PRKN: variants seen among roughly 807,000 people sequenced by gnomAD.
PRKN encodes the protein E3 ubiquitin-protein ligase parkin.
PRKN carries 56 observed loss-of-function variants against 59.5 expected under a neutral mutation model. The ratio of observed to expected loss-of-function variants is 0.94; its 90% CI spans 0.76 to 1.18. PRKN has a LOEUF of 1.18. Among genes scored for constraint, PRKN ranks in the 50% most tolerant of loss-of-function variants. PRKN has a pLI of 0.00. For synonymous variants in PRKN, 250 were observed against 222.1 expected (o/e 1.13, Z -1.12); for missense variants, 657 against 596.4 (o/e 1.10, Z -1.06).
intron 5 of PRKN, among the ~76,000 whole-genome samples, chr6:162,017,683 G>T (rs1782979583): frequency 6.6e-6 from 1 of 152,068 alleles, no homozygotes. Flanking sequence ...AATTAATTCA[G>T]ATATTTTCTC....
intron 5 of PRKN, among the ~76,000 whole-genome samples, chr6:161,988,476 A>G (rs1371796926): frequency 6.6e-6 from 1 of 152,016 alleles, no homozygotes; most frequent in Admixed American, 6.5e-5. Context: ...ACACGGCGAG[A>G]CTCCGTCTCA....
At chr6:162,033,706 C>A (rs974969340) in intron 5 of PRKN, among the ~76,000 whole-genome samples, 5 of 152,020 alleles carry the variant, frequency 3.3e-5, no homozygotes, top group African/African-American at 1.2e-4. Flanking sequence ...TCTTAGAAAT[C>A]GTTTTTTATC....
intron 7 of PRKN, among the ~76,000 whole-genome samples, chr6:161,729,681 C>A (rs1203312068): frequency 2.6e-5 from 4 of 152,168 alleles, no homozygotes; most frequent in African/African-American, 9.6e-5. Context: ...CTAAAATTGG[C>A]AAATTAAAAA....
intron 3 of PRKN, among the ~76,000 whole-genome samples, chr6:162,231,278 T>C (rs1778410145): frequency 6.6e-6 from 1 of 152,192 alleles, no homozygotes; most frequent in South Asian, 2.1e-4. Context: ...TCAATGTTTA[T>C]AAAGAAAATT....
Position 162,439,973 on chromosome 6 carries a change from A to G in PRKN, c.171+3337T>C, listed in dbSNP as rs545940470. On this transcript the variant is annotated intron_variant, in intron 2 of 11. Coordinates refer to ENST00000366898, the MANE Select transcript of PRKN (RefSeq NM_004562.3). Reference sequence around the variant, plus strand: ...TGTCTACATAGCGGTTGGCACCCCTAACTCCATGACTCCACGAGTCAACTG... The same window carrying G: ...TGTCTACATAGCGGTTGGCACCCCTGACTCCATGACTCCACGAGTCAACTG... 5.3e-5 allele frequency among the ~76,000 whole-genome samples: 8 copies of G among 152,196 alleles called. No individual in the cohort carries two copies. In the South Asian group the frequency reaches 1.7e-3, roughly 32 times the overall value.
chr6:162,228,912 C>T (rs1257540082), intron 3 of PRKN, among the ~76,000 whole-genome samples: 2 of 152,140 alleles, frequency 1.3e-5, no homozygotes, highest in Admixed American at 1.3e-4. Context: ...CACAAGCTTC[C>T]ACATGCACCA....
chr6:161,838,238 G>A (rs190002675), intron 6 of PRKN, among the ~76,000 whole-genome samples: 4 of 152,288 alleles, frequency 2.6e-5, no homozygotes, highest in African/African-American at 9.6e-5. Flanking sequence ...TAAATAACTT[G>A]TAGAAACTCA....
In PRKN at chr6:161,480,753, G is replaced by A. The variant is rs1791351634; in HGVS notation, c.1083+68101C>T. 6.6e-6 allele frequency among the ~76,000 whole-genome samples: 1 copy of A among 152,184 alleles called. No homozygotes were observed. The highest frequency in any genetic ancestry group is 2.1e-4 in the South Asian group (1 of 4,836). On this transcript the variant is annotated intron_variant, in intron 9 of 11. Coordinates refer to ENST00000366898, the MANE Select transcript of PRKN (RefSeq NM_004562.3). The surrounding 1 kb of genome is among the most constrained non-coding windows in gnomAD (Gnocchi z 4.1). ...TTTCTCTTGCCAGAAAGTATAATTAGTAATTTCAGGCCTTATCTGAAATAC... is the reference window on the plus strand; with the variant it reads ...TTTCTCTTGCCAGAAAGTATAATTAATAATTTCAGGCCTTATCTGAAATAC...
Position 162,386,041 on chromosome 6 carries a change from A to T in PRKN, c.171+57269T>A, listed in dbSNP as rs190178625. ...CGCCAATTGTATTTTGATTTTTTTT[A>T]AAAAAAGAGGTGCCTATGCAGATGC... On this transcript the variant is annotated intron_variant, in intron 2 of 11. Coordinates refer to ENST00000366898, the MANE Select transcript of PRKN (RefSeq NM_004562.3). Among the ~76,000 whole-genome samples, 1,148 of 152,112 alleles carry T rather than the reference A, an allele frequency of 7.5e-3. 10 individuals carry two copies. The highest frequency in any genetic ancestry group is 0.017 in the Middle Eastern group (5 of 294).
chr6:162,070,488 T>G (rs1778529547), intron 4 of PRKN, among the ~76,000 whole-genome samples: 1 of 152,174 alleles, frequency 6.6e-6, no homozygotes, highest in East Asian at 1.9e-4. Flanking sequence ...GTGGCTCTTT[T>G]GCATGGCCGA....
intron 6 of PRKN, among the ~76,000 whole-genome samples, chr6:161,915,421 C>T (rs1778518510): frequency 6.6e-6 from 1 of 152,054 alleles, no homozygotes. Flanking sequence ...ACCCTCACAT[C>T]AAGACACTTA....
intron 4 of PRKN, among the ~76,000 whole-genome samples, chr6:162,164,011 T>C (rs1339856797): frequency 1.3e-5 from 2 of 149,054 alleles, no homozygotes; most frequent in Non-Finnish European, 1.5e-5. Context: ...AGATGATTTA[T>C]GTGAAAGGAC....
chr6:162,002,963 T>C (rs996932686), intron 5 of PRKN, among the ~76,000 whole-genome samples: 7 of 152,126 alleles, frequency 4.6e-5, no homozygotes, highest in South Asian at 2.1e-4. Flanking sequence ...AATTCCACTG[T>C]AGTCGAGAGC....
intron 6 of PRKN, among the ~76,000 whole-genome samples, chr6:161,896,811 G>C (rs1685795542): frequency 6.6e-6 from 1 of 151,348 alleles, no homozygotes; most frequent in Admixed American, 6.6e-5. Flanking sequence ...ATTAAATTTG[G>C]AACAATGAAA....
At chr6:162,291,765 G>A (rs897790123) in intron 2 of PRKN, among the ~76,000 whole-genome samples, 2 of 151,918 alleles carry the variant, frequency 1.3e-5, no homozygotes, top group Admixed American at 6.6e-5. Context: ...TCACCGCTAC[G>A]ACAACAATCT....
At chr6:162,085,039 CA>C (rs956880909) in intron 4 of PRKN, among the ~76,000 whole-genome samples, 1 of 137,306 alleles carries the variant, frequency 7.3e-6, no homozygotes, top group African/African-American at 3.0e-5. Context: ...ACTAGTTGAT[CA>C]GTGTCCTACC....
chr6:161,557,433 C>T (rs73782927), intron 8 of PRKN, among the ~76,000 whole-genome samples: 11 of 152,248 alleles, frequency 7.2e-5, no homozygotes, highest in African/African-American at 2.2e-4. Flanking sequence ...AATGAAGGAA[C>T]GGTTGCACGT....
At chr6:162,289,166 G>T (rs1781319881) in intron 2 of PRKN, among the ~76,000 whole-genome samples, 1 of 152,312 alleles carries the variant, frequency 6.6e-6, no homozygotes, top group South Asian at 2.1e-4. Flanking sequence ...TTCCTTCTGA[G>T]GGCTGGGAGA....
intron 1 of PRKN, among the ~76,000 whole-genome samples, chr6:162,588,797 T>G (rs1781180634): frequency 6.6e-6 from 1 of 152,154 alleles, no homozygotes; most frequent in African/African-American, 2.4e-5. Context: ...GTGATCCACC[T>G]GCCTCAGCCT....
Sources: allele counts gnomAD v4.1 joint callset (sites outside exome capture counted in the v4.1 genomes callset), GRCh38; gene constraint gnomAD v4.1.1; non-coding constraint Gnocchi (gnomAD v3.1); transcripts MANE v1.5; gene names NCBI Gene and HGNC (gene_info 2026-07-23, HGNC 2026-07-21).